Variants in IQGAP2 observed in about 807,000 individuals in gnomAD.
IQGAP2 encodes IQ motif containing GTPase activating protein 2.
Under a neutral mutation model 201.3 loss-of-function variants are expected in IQGAP2, and 173 were observed. The observed-to-expected ratio is 0.86, with a 90% CI of 0.76 to 0.98. The LOEUF is 0.98. Among genes scored for constraint, IQGAP2 ranks in the 50% least tolerant of loss-of-function variants. The pLI, the probability that IQGAP2 is intolerant of heterozygous loss-of-function variation, is 0.00. For synonymous variants in IQGAP2, 675 were observed against 673.9 expected, an observed-to-expected ratio of 1.00 and a Z score of -0.03; for missense variants, 1,687 against 1,864.8, an observed-to-expected ratio of 0.90 and a Z score of 1.76.
intron 4 of IQGAP2, among the ~76,000 whole-genome samples, chr5:76,572,535 C>A (rs1745187845): frequency 6.6e-6 from 1 of 151,880 alleles, no homozygotes. Flanking sequence ...TGTAGGATAA[C>A]CCCCCGAGTT....
At chr5:76,660,059 A>G (rs1743117263) in intron 21 of IQGAP2, 1 of 152,094 alleles carries the variant, frequency 6.6e-6, no homozygotes, top group East Asian at 1.9e-4. Context: ...AAAGAGGGAA[A>G]CTGATCTTCT....
chr5:76,437,953 C>A (rs35450692), intron 1 of IQGAP2, among the ~76,000 whole-genome samples: 50,613 of 146,362 alleles, frequency 0.35, 9,267 homozygotes, highest in Middle Eastern at 0.45. Context: ...ATTTGGTTTG[C>A]TAGTATTTTG....
At chr5:76,444,629 T>G (rs77161972) in intron 1 of IQGAP2, among the ~76,000 whole-genome samples, 1 of 151,998 alleles carries the variant, frequency 6.6e-6, no homozygotes, top group Non-Finnish European at 1.5e-5. Context: ...ACTTTCTGAG[T>G]GCTTGGAATT....
chr5:76,575,710 A>T lies in IQGAP2; in HGVS notation c.399A>T (p.Thr133=), dbSNP rs759307808. ...TTTTCCAGATATTTTATCCAGAAAC[A>T]ACAGATGTCTATGATCGGAAAAACA... ...IGLPKIFYPE[T]TDVYDRKNIP... The change falls in exon 5 of 36, where the codon ACA becomes ACT. Residue 133 remains threonine (T), a synonymous_variant. Transcript: ENST00000274364. The T allele has an allele frequency of 1.3e-6, 2 of 1,586,352 alleles. No homozygotes were observed. Among genetic ancestry groups the T allele is most frequent in the Non-Finnish European group, 1.7e-6 (2 of 1,162,342 alleles).
At chr5:76,478,137 C>T (rs1024664462) in intron 2 of IQGAP2, among the ~76,000 whole-genome samples, 4 of 152,124 alleles carry the variant, frequency 2.6e-5, no homozygotes, top group Admixed American at 1.3e-4. Flanking sequence ...TGGTGGCTCA[C>T]GCCTGTAATC....
At chr5:76,515,149 C>T (rs776804170) in intron 2 of IQGAP2, among the ~76,000 whole-genome samples, 3 of 152,222 alleles carry the variant, frequency 2.0e-5, no homozygotes, top group Non-Finnish European at 4.4e-5. Context: ...TTAAACCAGT[C>T]AAACATCTAA....
chr5:76,586,897 G>A (rs1392222699), intron 5 of IQGAP2, among the ~76,000 whole-genome samples: 1 of 152,200 alleles, frequency 6.6e-6, no homozygotes, highest in Non-Finnish European at 1.5e-5. Flanking sequence ...GTGGGTTTGA[G>A]CCTTCCTGGC....
intron 1 of IQGAP2, among the ~76,000 whole-genome samples, chr5:76,443,144 C>T (rs941681413): frequency 2.0e-5 from 3 of 152,146 alleles, no homozygotes; most frequent in Admixed American, 1.3e-4. Context: ...ACAGTGAGAA[C>T]GCTTATTGCC....
rs771616801 is a variant in IQGAP2, at chr5:76,674,611, G to A, written c.3429G>A (p.Lys1143=). The A allele has an allele frequency of 8.1e-6, 13 of 1,614,006 alleles. No individual in the cohort carries two copies. The highest frequency in any genetic ancestry group is 1.7e-5 in the Admixed American group (1 of 59,994). Residue 1143 remains lysine, a synonymous_variant, in exon 27 of 36, where the codon AAG becomes AAA. Transcript: ENST00000274364. ...DQRRNLGSVA[K]VLQHAASNKL... The stretch of plus-strand genomic sequence containing the variant: ...GGAGAAACTTAGGATCAGTGGCCAA[G>A]GTTCTTCAGCACGCAGCCTCCAACA...
At chr5:76,404,572 T>G (rs1580121214) in intron 1 of IQGAP2, 1 of 812,390 alleles carries the variant, frequency 1.2e-6, no homozygotes, top group African/African-American at 1.9e-5. Flanking sequence ...TTCAGCAGGG[T>G]GTTTTGTTTG....
chr5:76,680,988 C>A (rs1745232198), intron 28 of IQGAP2, among the ~76,000 whole-genome samples: 1 of 149,194 alleles, frequency 6.7e-6, no homozygotes, highest in African/African-American at 2.5e-5. Flanking sequence ...TGCCTGTAAT[C>A]CCAGCTACTC....
intron 5 of IQGAP2, among the ~76,000 whole-genome samples, chr5:76,581,763 G>T (rs979368563): frequency 6.6e-6 from 1 of 152,142 alleles, no homozygotes; most frequent in South Asian, 2.1e-4. Flanking sequence ...TGAAAATTAG[G>T]TATAGAACCC....
At chr5:76,590,811 G>C (rs551338712) in intron 8 of IQGAP2, among the ~76,000 whole-genome samples, 1 of 152,310 alleles carries the variant, frequency 6.6e-6, no homozygotes, top group Middle Eastern at 3.4e-3. Flanking sequence ...TATAGTCCAG[G>C]CATGGTGGCT....
At chr5:76,652,702 T>C (rs1196387336) in intron 17 of IQGAP2, 48 bp from the exon 18 acceptor site, 1 of 1,330,958 alleles carries the variant, frequency 7.5e-7, no homozygotes, top group Non-Finnish European at 1.1e-6. Context: ...CCTAGATAAA[T>C]TGGGAAACTT....
chr5:76,474,754 A>C (rs1350505223), intron 2 of IQGAP2, among the ~76,000 whole-genome samples: 1 of 152,138 alleles, frequency 6.6e-6, no homozygotes, highest in African/African-American at 2.4e-5. Context: ...CAGGCTTCTG[A>C]GGATCACTCC....
At chr5:76,572,423 C>G (rs570819052) in intron 4 of IQGAP2, among the ~76,000 whole-genome samples, 16 of 152,132 alleles carry the variant, frequency 1.1e-4, no homozygotes, top group Admixed American at 3.9e-4. Context: ...CTCAGCCTCC[C>G]AAAGTTCTGG....
chr5:76,533,533 T>C (rs1346656213), intron 2 of IQGAP2, among the ~76,000 whole-genome samples: 14 of 111,542 alleles, frequency 1.3e-4, no homozygotes, highest in South Asian at 9.8e-4. Context: ...ATTATTTATA[T>C]ATATATATTT....
At chr5:76,532,968 C>T (rs991054553) in intron 2 of IQGAP2, among the ~76,000 whole-genome samples, 1 of 152,242 alleles carries the variant, frequency 6.6e-6, no homozygotes, top group Non-Finnish European at 1.5e-5. Flanking sequence ...AAGCCCCCAA[C>T]TGGCCTCACT....
chr5:76,584,665 CAG>C (rs550376478), intron 5 of IQGAP2, among the ~76,000 whole-genome samples: 22 of 152,176 alleles, frequency 1.4e-4, no homozygotes, highest in South Asian at 6.2e-4. Flanking sequence ...CAAGAAGGAA[CAG>C]AGAGTCCCCA....
Sources: gnomAD v4.1 joint callset for allele counts (sites outside exome capture counted in the v4.1 genomes callset) on GRCh38, gnomAD v4.1.1 for gene constraint, MANE v1.5 for transcripts, NCBI Gene and HGNC (gene_info 2026-07-23, HGNC 2026-07-21) for gene names.